The following PIEZO1 variants were observed in gnomAD, a reference collection of about 807,000 sequenced individuals.
PIEZO1 encodes the protein piezo type mechanosensitive ion channel component 1 (Er blood group).
In PIEZO1, 296 loss-of-function variants were observed where a neutral mutation model predicts 297.2. The ratio of observed to expected loss-of-function variants is 1.00; its 90% confidence interval spans 0.91 to 1.10. PIEZO1 has a LOEUF of 1.10. PIEZO1 is among the 50% of genes least tolerant of loss of function. PIEZO1 has a pLI of 0.00. For synonymous variants in PIEZO1, 2,427 were observed against 1,507.5 expected (o/e 1.61, Z -14.13); for missense variants, 5,018 against 3,455.5 (o/e 1.45, Z -11.34).
In PIEZO1 at chr16:88,726,595, C is replaced by G; in HGVS notation, c.3748G>C (p.Val1250Leu). The G allele has an allele frequency of 1.3e-6, 2 of 1,550,042 alleles. No individual in the cohort carries two copies. Among genetic ancestry groups the G allele is most frequent in the Non-Finnish European group, 8.7e-7 (1 of 1,146,832 alleles). ...VEQMQTGFCW[V>L]IQLFSLVCTV... ...CATACAAGGCTGAAGAGCTGGATGACCCAGCAGAAGCCGGTCTGCATCTGC... is the reference window on the plus strand; with the variant it reads ...CATACAAGGCTGAAGAGCTGGATGAGCCAGCAGAAGCCGGTCTGCATCTGC... Residue 1250 changes from valine (V) to leucine (L), a missense_variant, in exon 26 of 51, where the codon GTC (valine) becomes CTC (leucine). By Grantham distance (32) the Val-to-Leu change is conservative. Transcript: ENST00000301015.
At position 88,751,500 on chromosome 16, in the gene PIEZO1, A is replaced by G. The variant is rs529631652; in HGVS notation, c.65-2021T>C. On this transcript the variant is annotated intron_variant, in intron 1 of 50. Coordinates refer to ENST00000301015, the MANE Select transcript of PIEZO1 (RefSeq NM_001142864.4). Reference sequence around the variant, plus strand: ...CCTCGGCTTAGCGCACACATCGCGGAGTGCCGGGCTCCGGGGGGCACCGCC... The same window carrying G: ...CCTCGGCTTAGCGCACACATCGCGGGGTGCCGGGCTCCGGGGGGCACCGCC... Among the ~76,000 whole-genome samples the G allele has an allele frequency of 3.3e-5, 5 of 152,266 alleles. No individual in the cohort carries two copies. The South Asian group carries it at 1.0e-3, about 32-fold the overall frequency.
intron 1 of PIEZO1, among the ~76,000 whole-genome samples, chr16:88,753,943 AGC>A (rs1252452698): frequency 6.6e-6 from 1 of 152,192 alleles, no homozygotes; most frequent in Non-Finnish European, 1.5e-5. Context: ...CAATCCAAGG[AGC>A]GGGGACAGGA....
chr16:88,782,036 G>A (rs547488958), intron 1 of PIEZO1, among the ~76,000 whole-genome samples: 4 of 152,358 alleles, frequency 2.6e-5, no homozygotes, highest in Admixed American at 6.5e-5. Context: ...CTGGCTTTCC[G>A]CAGCCCTGTC....
intron 22 of PIEZO1, among the ~76,000 whole-genome samples, chr16:88,729,588 C>G (rs1904665958): frequency 1.4e-5 from 2 of 141,790 alleles, no homozygotes; most frequent in South Asian, 4.5e-4. Flanking sequence ...CAAAGTGACC[C>G]TCGATGCTGG....
chr16:88,745,935 G>A (rs954234394), intron 2 of PIEZO1, among the ~76,000 whole-genome samples: 1 of 152,134 alleles, frequency 6.6e-6, no homozygotes, highest in African/African-American at 2.4e-5. Context: ...GCCCCACCAC[G>A]GCAGCATCCT....
chr16:88,716,499 C>T lies in PIEZO1; in HGVS notation c.6927-16G>A. ...CGCCAGGTCCCTGGGGGTGGGAACA[C>T]AGCGTGACCCACTGTAGTGGGTCCA... On this transcript the variant is annotated splice_polypyrimidine_tract_variant and intron_variant, in intron 47 of 50. Coordinates refer to ENST00000301015, the MANE Select transcript of PIEZO1 (RefSeq NM_001142864.4). The T allele has an allele frequency of 3.9e-6, 6 of 1,541,774 alleles. No individual in the cohort carries two copies. The highest frequency in any genetic ancestry group is 5.3e-6 in the Non-Finnish European group (6 of 1,141,910).
chr16:88,722,106 C>T (rs1597445589), intron 36 of PIEZO1, 40 bp from the exon 37 acceptor site: 3 of 1,531,622 alleles, frequency 2.0e-6, no homozygotes, highest in East Asian at 4.9e-5. Flanking sequence ...TCTGGGACTG[C>T]CCGAAGGCAT....
chr16:88,735,018 C>A lies in PIEZO1; in HGVS notation c.1705G>T (p.Gly569Trp). 6.4e-7 allele frequency: 1 copy of A among 1,550,508 alleles called. No individual in the cohort carries two copies. The highest frequency in any genetic ancestry group is 8.7e-7 in the Non-Finnish European group (1 of 1,146,990). Reference sequence around the variant, plus strand: ...GCGTACACGCCCTTCACCAGCTCCCCCAGGCTCTGCAACAGCGTCTGCGTC... The same window carrying A: ...GCGTACACGCCCTTCACCAGCTCCCACAGGCTCTGCAACAGCGTCTGCGTC... Reference protein sequence around the residue: ...TRTQTLLQSLGELVKGVYAKY... With the variant: ...TRTQTLLQSLWELVKGVYAKY... Residue 569 changes from glycine (G) to tryptophan (W), a missense_variant, in exon 14 of 51, where the codon GGG becomes TGG. By Grantham distance (184) the Gly-to-Trp change is radical. Coordinates refer to ENST00000301015, the MANE Select transcript of PIEZO1 (RefSeq NM_001142864.4).
rs945469545 is a variant in PIEZO1, at chr16:88,732,896, T to A, written c.2665-164A>T. ...CACCTTCACGGGGAAGGGGACCAGG[T>A]GTTTGAGAAACAGGGAGACCACGGG... On this transcript the variant is annotated intron_variant, in intron 19 of 50. Coordinates refer to ENST00000301015, the MANE Select transcript of PIEZO1 (RefSeq NM_001142864.4). 3.2e-5 allele frequency: 22 copies of A among 692,836 alleles called. No individual in the cohort carries two copies. In the East Asian group the frequency reaches 5.0e-4, roughly 16 times the overall value. The allele number at this position is 692,836 out of a possible 1,614,324, so 42.9% of individuals were successfully genotyped here.
intron 1 of PIEZO1, among the ~76,000 whole-genome samples, chr16:88,750,268 G>A (rs1046864830): frequency 6.6e-6 from 1 of 152,100 alleles, no homozygotes; most frequent in Admixed American, 6.5e-5. Flanking sequence ...CCCGGGAGGT[G>A]GAGGTTGCAG....
At chr16:88,779,029 G>A (rs368963555) in intron 1 of PIEZO1, among the ~76,000 whole-genome samples, 10 of 142,374 alleles carry the variant, frequency 7.0e-5, no homozygotes, top group Admixed American at 2.2e-4. Context: ...TCTGATTTAC[G>A]ACTTCACTTT....
chr16:88,727,069 G>C lies in PIEZO1; in HGVS notation c.3425C>G (p.Pro1142Arg), dbSNP rs778226687. 1 of 1,549,544 alleles carries C rather than the reference G, an allele frequency of 6.5e-7. No individual in the cohort carries two copies. Among genetic ancestry groups the C allele is most frequent in the South Asian group, 1.2e-5 (1 of 84,012 alleles). Reference sequence around the variant, plus strand: ...GTGGATAAAGTTGGGCACGGGGTTGGGCTCCCCCCGCAGCGGCTCCAGGCG... The same window carrying C: ...GTGGATAAAGTTGGGCACGGGGTTGCGCTCCCCCCGCAGCGGCTCCAGGCG... ...TDRLEPLRGE[P>R]NPVPNFIHCR... Residue 1142 changes from proline (P) to arginine (R), a missense_variant, in exon 24 of 51, where the codon CCC (proline) becomes CGC (arginine). Pro to Arg is a moderately radical substitution (Grantham distance 103). Transcript: ENST00000301015.
intron 1 of PIEZO1, among the ~76,000 whole-genome samples, chr16:88,774,057 G>T (rs1206758596): frequency 6.6e-6 from 1 of 152,196 alleles, no homozygotes; most frequent in African/African-American, 2.4e-5. Flanking sequence ...TGTGCCCGGC[G>T]ATAAGGTCTG....
At position 88,715,505 on chromosome 16, in the gene PIEZO1, T is replaced by G. The variant is rs1911925927; in HGVS notation, c.*100A>C. The G allele has an allele frequency of 7.9e-7, 1 of 1,269,604 alleles. No individual in the cohort carries two copies. The highest frequency in any genetic ancestry group is 2.1e-5 in the Admixed American group (1 of 47,504). The allele number at this position is 1,269,604 out of a possible 1,614,324, so 78.6% of individuals were successfully genotyped here. On this transcript the variant is annotated 3_prime_UTR_variant, in exon 51 of 51. Coordinates refer to ENST00000301015, the MANE Select transcript of PIEZO1 (RefSeq NM_001142864.4). ...GAGGATGCATCACAGCTGGCGGCCT[T>G]GGACGGGGCAGTGGCTCCCCCGGCC...
In PIEZO1 at chr16:88,716,287, G is replaced by C; in HGVS notation, c.7050-10C>G. 1 of 1,488,708 alleles carries C rather than the reference G, an allele frequency of 6.7e-7. No homozygotes were observed. The highest frequency in any genetic ancestry group is 9.0e-7 in the Non-Finnish European group (1 of 1,113,706). 92.2% of individuals were successfully genotyped at this position (1,488,708 alleles called of 1,614,324 possible). A position where few individuals can be genotyped will look rare whatever the true frequency, so the allele number is the denominator to read the frequency against. ...GAGATTAGGGATGACCCTGCAGGGA[G>C]GTGCTGGCAGGTCAGGCCTGGCCCA... is the stretch of plus-strand genomic sequence containing the variant. On this transcript the variant is annotated splice_polypyrimidine_tract_variant and intron_variant, in intron 48 of 50. Transcript: ENST00000301015.
intron 1 of PIEZO1, among the ~76,000 whole-genome samples, chr16:88,783,935 G>A (rs942733167): frequency 2.6e-5 from 4 of 152,354 alleles, no homozygotes; most frequent in South Asian, 2.1e-4. Context: ...CCCACCTGCC[G>A]TGTCCATGGC....
intron 4 of PIEZO1, 45 bp downstream of exon 4, chr16:88,742,008 C>A: frequency 6.5e-7 from 1 of 1,531,360 alleles, no homozygotes; most frequent in Non-Finnish European, 8.7e-7. Context: ...GGCCTGAAAT[C>A]CCCAAGGGAG....
At chr16:88,732,790 C>T (rs1904953310) in intron 19 of PIEZO1, 58 bp from the exon 20 acceptor site, 1 of 1,458,866 alleles carries the variant, frequency 6.9e-7, no homozygotes, top group Admixed American at 2.3e-5. Flanking sequence ...CCTGGCCCTG[C>T]CCGGAGCCCA....
At chr16:88,766,165 G>A (rs980514075) in intron 1 of PIEZO1, among the ~76,000 whole-genome samples, 1 of 152,196 alleles carries the variant, frequency 6.6e-6, no homozygotes, top group East Asian at 1.9e-4. Context: ...AACGCCAATC[G>A]CAATTTGGTG....
Sources: allele counts gnomAD v4.1 joint callset (sites outside exome capture counted in the v4.1 genomes callset), GRCh38; gene constraint gnomAD v4.1.1; transcripts MANE v1.5; gene names NCBI Gene and HGNC (gene_info 2026-07-23, HGNC 2026-07-21).